HS3ST4: variants seen among roughly 807,000 people sequenced by gnomAD.
The protein encoded by HS3ST4 is heparan sulfate glucosamine 3-O-sulfotransferase 4.
Under a neutral mutation model 29.2 loss-of-function variants are expected in HS3ST4, and 17 were observed. The ratio of observed to expected loss-of-function variants is 0.58; its 90% CI spans 0.40 to 0.87. HS3ST4 has a LOEUF of 0.87. Among genes scored for constraint, HS3ST4 ranks in the 40% least tolerant of loss-of-function variants. HS3ST4 has a pLI of 0.00. For missense variants in HS3ST4, 627 were observed against 634.5 expected, an observed-to-expected ratio of 0.99 and a Z score of 0.13; for synonymous variants, 314 against 285.7, an observed-to-expected ratio of 1.10 and a Z score of -1.00.
chr16:25,780,474 A>G (rs1457101585), intron 1 of HS3ST4, among the ~76,000 whole-genome samples: 4 of 152,194 alleles, frequency 2.6e-5, no homozygotes, highest in Non-Finnish European at 5.9e-5. Context: ...GAGCTAATTC[A>G]TGCAAGTCAC....
At chr16:26,057,340 G>A (rs1028838634) in intron 1 of HS3ST4, among the ~76,000 whole-genome samples, 13 of 152,122 alleles carry the variant, frequency 8.5e-5, no homozygotes, top group Non-Finnish European at 7.4e-5. Context: ...CCTTTCACAG[G>A]TACTTGCTTC....
intron 1 of HS3ST4, among the ~76,000 whole-genome samples, chr16:26,059,747 G>A (rs1025482361): frequency 2.6e-5 from 4 of 151,978 alleles, no homozygotes; most frequent in Non-Finnish European, 4.4e-5. Flanking sequence ...TTTCAAACGC[G>A]CTAGTATTAT....
At chr16:25,788,540 CTTTCTTTT>C (rs1966861295) in intron 1 of HS3ST4, among the ~76,000 whole-genome samples, 2 of 99,070 alleles carry the variant, frequency 2.0e-5, no homozygotes, top group Admixed American at 1.2e-4. Flanking sequence ...TTCTTTTCTT[CTTTCTTTT>C]TTTTTTTTTT....
At chr16:25,849,768 ATG>A (rs1243135540) in intron 1 of HS3ST4, among the ~76,000 whole-genome samples, 1 of 151,940 alleles carries the variant, frequency 6.6e-6, no homozygotes, top group East Asian at 1.9e-4. Flanking sequence ...TGGCCTCCCA[ATG>A]TGCTGGAACT....
At position 26,117,445 on chromosome 16, in the gene HS3ST4, A is replaced by G. The variant is rs139335859; in HGVS notation, c.735-18167A>G. Among the ~76,000 whole-genome samples the G allele has an allele frequency of 5.1e-3, 775 of 152,246 alleles. 10 individuals carry two copies. Among genetic ancestry groups the G allele is most frequent in the African/African-American group, 0.018 (741 of 41,546 alleles). ...CCTTCTAGCGTGAACTCTGAAATTG[A>G]CCTTCAGTTCAAATTTAAGCCCCAG... is the stretch of plus-strand genomic sequence containing the variant. On this transcript the variant is annotated intron_variant, in intron 1 of 1. Coordinates refer to ENST00000331351, the MANE Select transcript of HS3ST4 (RefSeq NM_006040.3).
rs1174433355 is a variant in HS3ST4 at position 25,828,242 on chromosome 16, CTCTT to C, written c.734+135146_734+135149del. ...CTTTCCTTTCTTTCTTTCTTTCTTTCTCTTTCTTTCTTTCTTTCTTTCTTTCTTT... is the reference window on the plus strand; with the variant it reads ...CTTTCCTTTCTTTCTTTCTTTCTTTCTCTTTCTTTCTTTCTTTCTTTCTTT... On this transcript the variant is annotated intron_variant, in intron 1 of 1. Coordinates refer to ENST00000331351, the MANE Select transcript of HS3ST4 (RefSeq NM_006040.3). Among the ~76,000 whole-genome samples, 459 of 74,800 alleles carry C rather than the reference CTCTT, an allele frequency of 6.1e-3. 2 individuals are homozygous for C. Among genetic ancestry groups the C allele is most frequent in the East Asian group, 9.0e-3 (24 of 2,676 alleles). The allele number at this position is 74,800 out of a possible 152,430, so 49.1% of individuals were successfully genotyped here.
intron 1 of HS3ST4, among the ~76,000 whole-genome samples, chr16:25,969,895 G>A (rs1282081827): frequency 1.3e-5 from 2 of 152,184 alleles, no homozygotes; most frequent in African/African-American, 4.8e-5. Flanking sequence ...ATGGTCATGT[G>A]CCCTGAGTTC....
intron 1 of HS3ST4, among the ~76,000 whole-genome samples, chr16:25,857,928 C>CTTTCTTTCTTTCTTTA: frequency 2.1e-5 from 1 of 47,668 alleles, no homozygotes; most frequent in Non-Finnish European, 3.7e-5. Flanking sequence ...TCCTTTCTTT[C>CTTTCTTTCTTTCTTTA]TTTCTTTCTT....
At chr16:25,910,395 C>T (rs1270196153) in intron 1 of HS3ST4, among the ~76,000 whole-genome samples, 2 of 152,104 alleles carry the variant, frequency 1.3e-5, no homozygotes, top group Non-Finnish European at 1.5e-5. Context: ...AATCCCAGCA[C>T]TTTGGGAGGC....
intron 1 of HS3ST4, among the ~76,000 whole-genome samples, chr16:25,860,267 A>T (rs1034444467): frequency 6.6e-6 from 1 of 152,234 alleles, no homozygotes; most frequent in Admixed American, 6.5e-5. Context: ...TGGGAATGCA[A>T]ATAGTACAGC....
chr16:25,731,409 C>T (rs186415264), intron 1 of HS3ST4, among the ~76,000 whole-genome samples: 188 of 152,278 alleles, frequency 1.2e-3, no homozygotes, highest in African/African-American at 4.1e-3. Flanking sequence ...GGCACAATTA[C>T]GGTTCACTGC....
chr16:25,786,882 G>A (rs566363190), intron 1 of HS3ST4, among the ~76,000 whole-genome samples: 7 of 152,326 alleles, frequency 4.6e-5, no homozygotes, highest in African/African-American at 1.4e-4. Context: ...GGAGGGGGAT[G>A]CTGTCAGCAG....
intron 1 of HS3ST4, among the ~76,000 whole-genome samples, chr16:25,704,481 A>T (rs570292252): frequency 1.4e-3 from 213 of 152,104 alleles, no homozygotes; most frequent in African/African-American, 5.0e-3. Context: ...ATTTTTAGAG[A>T]TGGTGTCTCG....
chr16:26,117,834 A>G (rs1899220142), intron 1 of HS3ST4, among the ~76,000 whole-genome samples: 1 of 152,202 alleles, frequency 6.6e-6, no homozygotes, highest in African/African-American at 2.4e-5. Context: ...ATGATGTACC[A>G]TGCTCTGTTG....
chr16:25,978,377 T>C (rs1407342543), intron 1 of HS3ST4, among the ~76,000 whole-genome samples: 8 of 152,246 alleles, frequency 5.3e-5, no homozygotes, highest in Non-Finnish European at 1.0e-4. Flanking sequence ...GTCTCTGTTG[T>C]AACTACTCAG....
chr16:25,726,298 C>T (rs4238916), intron 1 of HS3ST4, among the ~76,000 whole-genome samples: 110,673 of 151,176 alleles, frequency 0.73, 41,437 homozygotes, highest in East Asian at 0.84. Flanking sequence ...CAAGTGGGTA[C>T]GAAACACGTC....
rs184607683 is a variant in HS3ST4, at chr16:25,973,454, G to A, written c.735-162158G>A. ...TGTGGCAGAAGAAAATCCAGTGTGA[G>A]AAACCCAACCGTTTCTCCTTCAAGA... On this transcript the variant is annotated intron_variant, in intron 1 of 1. Coordinates refer to ENST00000331351, the MANE Select transcript of HS3ST4 (RefSeq NM_006040.3). Among the ~76,000 whole-genome samples, 4 of 152,324 alleles carry A rather than the reference G, an allele frequency of 2.6e-5. No individual in the cohort carries two copies. The East Asian group carries it at 7.7e-4, about 29-fold the overall frequency.
chr16:25,999,005 A>C (rs1969180447), intron 1 of HS3ST4, among the ~76,000 whole-genome samples: 1 of 152,146 alleles, frequency 6.6e-6, no homozygotes, highest in South Asian at 2.1e-4. Context: ...TTTAAGTTTT[A>C]AAATCCTTTC....
intron 1 of HS3ST4, among the ~76,000 whole-genome samples, chr16:25,796,197 A>C (rs1966885014): frequency 6.6e-6 from 1 of 152,072 alleles, no homozygotes; most frequent in South Asian, 2.1e-4. Context: ...GTCCCTGCCT[A>C]TCCTTTCAGC....
Sources: gnomAD v4.1 joint callset for allele counts (sites outside exome capture counted in the v4.1 genomes callset) on GRCh38, gnomAD v4.1.1 for gene constraint, MANE v1.5 for transcripts, NCBI Gene and HGNC (gene_info 2026-07-23, HGNC 2026-07-21) for gene names.